Variants in KCNMA1 observed in about 807,000 individuals in gnomAD.
KCNMA1 encodes the protein Calcium-activated potassium channel subunit alpha-1.
A neutral mutation model predicts 140.0 loss-of-function variants in KCNMA1; 29 were observed. The observed-to-expected ratio is 0.21, with a 90% confidence interval of 0.15 to 0.28. The LOEUF is 0.28. Among genes scored for constraint, KCNMA1 ranks in the 10% least tolerant of loss-of-function variants. KCNMA1 has a pLI of 1.00. For synonymous variants in KCNMA1, 612 were observed against 611.9 expected, an observed-to-expected ratio of 1.00 and a Z score of 0.00; for missense variants, 880 against 1,602.2, an observed-to-expected ratio of 0.55 and a Z score of 7.70.
intron 2 of KCNMA1, among the ~76,000 whole-genome samples, chr10:77,382,990 GTGTGTATATATATATATATATA>G (rs1202386069): frequency 6.1e-4 from 26 of 42,600 alleles, no homozygotes; most frequent in African/African-American, 4.4e-3. Context: ...GTGTGTGTGT[GTGTGTATATATATATATATATA>G]TATATATATA....
At chr10:77,436,600 G>C (rs1409090963) in intron 1 of KCNMA1, among the ~76,000 whole-genome samples, 2 of 152,282 alleles carry the variant, frequency 1.3e-5, no homozygotes, top group African/African-American at 2.4e-5. Context: ...CCATTATACA[G>C]AAAAGGAAAC....
At chr10:77,470,034 T>A (rs1446927900) in intron 1 of KCNMA1, among the ~76,000 whole-genome samples, 3 of 152,090 alleles carry the variant, frequency 2.0e-5, no homozygotes, top group Non-Finnish European at 4.4e-5. Context: ...GCTCCTTCTG[T>A]CAGCAGTGGT....
intron 19 of KCNMA1, among the ~76,000 whole-genome samples, chr10:76,991,313 G>A: frequency 6.6e-6 from 1 of 152,218 alleles, no homozygotes; most frequent in Non-Finnish European, 1.5e-5. Context: ...CTCATTGGAA[G>A]CATTGGTGGA....
intron 2 of KCNMA1, among the ~76,000 whole-genome samples, chr10:77,307,617 G>A (rs2078123767): frequency 1.3e-5 from 2 of 152,150 alleles, no homozygotes; most frequent in African/African-American, 4.8e-5. Context: ...CGCGATCTTG[G>A]CTCACTGCAA....
chr10:77,199,982 A>G (rs2041943438), intron 3 of KCNMA1, among the ~76,000 whole-genome samples: 1 of 151,948 alleles, frequency 6.6e-6, no homozygotes, highest in African/African-American at 2.4e-5. Context: ...ACAGAGTTTC[A>G]CTCTGTCACC....
chr10:76,983,681 C>T (rs1261811890), intron 19 of KCNMA1, among the ~76,000 whole-genome samples: 1 of 150,264 alleles, frequency 6.7e-6, no homozygotes, highest in Non-Finnish European at 1.5e-5. Flanking sequence ...GAGCTAAGAT[C>T]GCACAACTGC....
intron 2 of KCNMA1, among the ~76,000 whole-genome samples, chr10:77,289,404 A>G (rs972909480): frequency 6.6e-6 from 1 of 152,212 alleles, no homozygotes; most frequent in Non-Finnish European, 1.5e-5. Flanking sequence ...CCCTCCAGGT[A>G]TGCAAATGCC....
chr10:77,069,334 A>G (rs926610722), intron 14 of KCNMA1, among the ~76,000 whole-genome samples: 9 of 152,190 alleles, frequency 5.9e-5, no homozygotes, highest in African/African-American at 2.2e-4. Flanking sequence ...GGGTTCAAAT[A>G]AGATCCTATT....
At chr10:77,445,509 A>C (rs1038177644) in intron 1 of KCNMA1, among the ~76,000 whole-genome samples, 1 of 152,168 alleles carries the variant, frequency 6.6e-6, no homozygotes, top group Non-Finnish European at 1.5e-5. Context: ...TCCTTTAATG[A>C]AAGTTTCTAA....
intron 5 of KCNMA1, among the ~76,000 whole-genome samples, chr10:77,177,277 TCTTCCTTCCTTCTTTCCTTC>T (rs2098758926): frequency 6.6e-6 from 1 of 151,316 alleles, no homozygotes; most frequent in Non-Finnish European, 1.5e-5. Context: ...TTCTTTCCTT[TCTTCCTTCCTTCTTTCCTTC>T]CTTCTTTCTT....
At chr10:77,162,846 T>C (rs968105774) in intron 5 of KCNMA1, among the ~76,000 whole-genome samples, 2 of 152,360 alleles carry the variant, frequency 1.3e-5, no homozygotes, top group East Asian at 1.9e-4. Flanking sequence ...AAATCTCCAA[T>C]TAATTTTAGA....
chr10:77,095,025 T>C (rs1481068280), intron 9 of KCNMA1, among the ~76,000 whole-genome samples: 1 of 152,170 alleles, frequency 6.6e-6, no homozygotes, highest in African/African-American at 2.4e-5. Flanking sequence ...AGACATGTCA[T>C]GTACAGCTCA....
intron 23 of KCNMA1, among the ~76,000 whole-genome samples, chr10:76,934,841 G>A (rs965036030): frequency 1.8e-4 from 28 of 152,264 alleles, no homozygotes; most frequent in African/African-American, 5.8e-4. Flanking sequence ...GGCTTTGGGC[G>A]CTACAGTGGT....
chr10:77,189,333 G>A (rs1295643490), intron 3 of KCNMA1, among the ~76,000 whole-genome samples: 2 of 152,132 alleles, frequency 1.3e-5, no homozygotes, highest in African/African-American at 4.8e-5. Flanking sequence ...CTACCACTTA[G>A]CTAATTGCTG....
At position 76,914,953 on chromosome 10, in the gene KCNMA1, G is replaced by C. The variant is rs1180313457; in HGVS notation, c.2999C>G (p.Pro1000Arg). ...ACCCCTACCTAGTTCAGTGATGATG[G>C]GGATGTTGACCCCAGTTGTGATGGA... ...QPSITTGVNI[P>R]IITELVNDTN... is the part of the protein sequence containing the mutation. Residue 1000 changes from proline (P) to arginine (R), a missense_variant, in exon 24 of 28, where the codon CCC becomes CGC. Pro to Arg is a moderately radical substitution (Grantham distance 103, BLOSUM62 -2). This residue lies in a region of KCNMA1 where 44 missense variants were observed against 58.2 expected (regional missense o/e 0.76). Coordinates refer to ENST00000286628, the MANE Select transcript of KCNMA1 (RefSeq NM_001161352.2). 6.2e-7 allele frequency: 1 copy of C among 1,612,196 alleles called. No homozygotes were observed. The highest frequency in any genetic ancestry group is 8.5e-7 in the Non-Finnish European group (1 of 1,178,514).
chr10:77,244,873 C>G (rs1275391527), intron 3 of KCNMA1, among the ~76,000 whole-genome samples: 1 of 152,174 alleles, frequency 6.6e-6, no homozygotes, highest in Non-Finnish European at 1.5e-5. Flanking sequence ...TTCCACCATC[C>G]CTGAGTGGGC....
intron 21 of KCNMA1, chr10:76,951,958 G>A (rs2066425650): frequency 5.3e-6 from 7 of 1,314,416 alleles, no homozygotes; most frequent in South Asian, 3.8e-5. Flanking sequence ...AACTAGAATG[G>A]TGTGTGGCAC....
intron 25 of KCNMA1, among the ~76,000 whole-genome samples, chr10:76,908,766 G>A (rs990830671): frequency 6.6e-6 from 1 of 152,158 alleles, no homozygotes; most frequent in Non-Finnish European, 1.5e-5. Context: ...TCAAGTTTTT[G>A]TTCAGCCTAT....
At chr10:77,335,557 T>G (rs1245536175) in intron 2 of KCNMA1, among the ~76,000 whole-genome samples, 1 of 152,158 alleles carries the variant, frequency 6.6e-6, no homozygotes, top group African/African-American at 2.4e-5. Flanking sequence ...TGTTTGCACC[T>G]TTTTTAAAGG....
Sources: gnomAD v4.1 joint callset for allele counts (sites outside exome capture counted in the v4.1 genomes callset) on GRCh38, gnomAD v4.1.1 for gene constraint, gnomAD v4.1.1 regional missense constraint, MANE v1.5 for transcripts, NCBI Gene and HGNC (gene_info 2026-07-23, HGNC 2026-07-21) for gene names.